OTX2: variants seen among roughly 807,000 people sequenced by gnomAD.
OTX2 encodes the protein homeobox protein OTX2.
OTX2 carries 4 observed loss-of-function variants against 29.0 expected under a neutral mutation model. The observed-to-expected ratio is 0.14, with a 90% CI of 0.07 to 0.32. The LOEUF is 0.32. Among genes scored for constraint, OTX2 ranks in the 10% least tolerant of loss-of-function variants. The probability of loss-of-function intolerance (pLI) is 1.00; values close to 1 mark genes in which losing one functional copy is unlikely to be tolerated. For synonymous variants in OTX2, 134 were observed against 141.0 expected, an observed-to-expected ratio of 0.95 and a Z score of 0.35; for missense variants, 298 against 365.9, an observed-to-expected ratio of 0.81 and a Z score of 1.51.
rs1891998048 is a variant in OTX2 at position 56,804,289 on chromosome 14, G to C, written c.172C>G (p.Leu58Val). The change falls in exon 4 of 5, where the codon CTA (leucine) becomes GTA (valine). Residue 58 changes from leucine (L) to valine (V), a missense_variant. Physicochemically the swap from Leu to Val is conservative, Grantham distance 32. This residue lies in a region of OTX2 where 29 missense variants were observed against 84.7 expected (regional missense o/e 0.34). Transcript: ENST00000672264. This position sits in a 1 kb window ranked among gnomAD's most constrained non-coding sequence, Gnocchi z 4.1. ...GCAAACAGTGCTTCCAGCACATCTA[G>C]CTGCGCCCGAGTGAACGTCGTCCTC... ...RERTTFTRAQ[L>V]DVLEALFAKT... The C allele has an allele frequency of 6.2e-7, 1 of 1,614,056 alleles. No individual in the cohort carries two copies.
chr14:56,801,605 C>G lies in OTX2; in HGVS notation c.*130G>C. 9.2e-7 allele frequency: 1 copy of G among 1,090,284 alleles called. No homozygotes were observed. The highest frequency in any genetic ancestry group is 1.3e-5 in the South Asian group (1 of 76,930). The allele number at this position is 1,090,284 out of a possible 1,614,324, so 67.5% of individuals were successfully genotyped here. A position where few individuals can be genotyped will look rare whatever the true frequency, so the allele number is the denominator to read the frequency against. On this transcript the variant is annotated 3_prime_UTR_variant, in exon 5 of 5. Coordinates refer to ENST00000672264, the MANE Select transcript of OTX2 (RefSeq NM_021728.4). This position sits in a 1 kb window ranked among gnomAD's most constrained non-coding sequence, Gnocchi z 4.2. The stretch of plus-strand genomic sequence containing the variant: ...AGGCCCTTCGTTTTTCCTTCTATGC[C>G]TCTCGGAACTTTGATCAGATGAGTC...
rs754146678 is a variant in OTX2, at chr14:56,805,477, C to G, written c.-21G>C. On this transcript the variant is annotated 5_prime_UTR_variant, in exon 3 of 5. Transcript: ENST00000672264. Reference sequence around the variant, plus strand: ...ATCATGCTAAGGTTGTTTGGAGGTGCAAAGTCGGCCCAAATCGGGGGTACC... The same window carrying G: ...ATCATGCTAAGGTTGTTTGGAGGTGGAAAGTCGGCCCAAATCGGGGGTACC... The G allele has an allele frequency of 1.9e-6, 3 of 1,557,162 alleles. No homozygotes were observed. The South Asian group carries it at 3.3e-5, about 17-fold the overall frequency.
chr14:56,809,202 T>G (rs1892192662), intron 2 of OTX2, among the ~76,000 whole-genome samples: 1 of 152,070 alleles, frequency 6.6e-6, no homozygotes, highest in Admixed American at 6.5e-5. Context: ...GCCGCGGCCT[T>G]GGGCGGAGCA....
In OTX2 at chr14:56,804,507, C is replaced by T; in HGVS notation, c.98-144G>A. On this transcript the variant is annotated intron_variant, in intron 3 of 4. Transcript: ENST00000672264. The surrounding 1 kb of genome is among the most constrained non-coding windows in gnomAD (Gnocchi z 4.1). ...AATGCTCTCCCCACCGTCTCCCCAG[C>T]CTTGCTCCCCGGGGACCCAGGACAC... 1 of 758,974 alleles carries T rather than the reference C, an allele frequency of 1.3e-6. No individual in the cohort carries two copies. The highest frequency in any genetic ancestry group is 2.1e-6 in the Non-Finnish European group (1 of 480,662). 47.0% of individuals were successfully genotyped at this position (758,974 alleles called of 1,614,324 possible). A position where few individuals can be genotyped will look rare whatever the true frequency, so the allele number is the denominator to read the frequency against.
chr14:56,802,416 C>T lies in OTX2; in HGVS notation c.274-61G>A, dbSNP rs761128122. ...GATAGTTCCTTAAGGACAAGAATGG[C>T]TCCCGTATTATAAATCTATCCTACA... On this transcript the variant is annotated intron_variant, in intron 4 of 4. Coordinates refer to ENST00000672264, the MANE Select transcript of OTX2 (RefSeq NM_021728.4). This position sits in a 1 kb window ranked among gnomAD's most constrained non-coding sequence, Gnocchi z 4.4. 517 of 1,568,482 alleles carry T rather than the reference C, an allele frequency of 3.3e-4. No homozygotes were observed. Among genetic ancestry groups the T allele is most frequent in the Non-Finnish European group, 4.1e-4 (469 of 1,142,502 alleles).
At chr14:56,808,698 A>G (rs1183660746) in intron 2 of OTX2, among the ~76,000 whole-genome samples, 7 of 152,120 alleles carry the variant, frequency 4.6e-5, no homozygotes, top group Non-Finnish European at 1.0e-4. Context: ...CTGACCCCGA[A>G]GCTCTAGGAT....
chr14:56,802,453 G>T lies in OTX2; in HGVS notation c.274-98C>A. On this transcript the variant is annotated intron_variant, in intron 4 of 4. Transcript: ENST00000672264. This position sits in a 1 kb window ranked among gnomAD's most constrained non-coding sequence, Gnocchi z 4.4. ...AAATCTATCCTACATGGGCAGATCA[G>T]CTAAACACACAATTTCCCCTGCCAC... 7.6e-7 allele frequency: 1 copy of T among 1,323,682 alleles called. No individual in the cohort carries two copies. The highest frequency in any genetic ancestry group is 1.1e-6 in the Non-Finnish European group (1 of 925,840). 82.0% of individuals were successfully genotyped at this position (1,323,682 alleles called of 1,614,324 possible). A position where few individuals can be genotyped will look rare whatever the true frequency, so the allele number is the denominator to read the frequency against.
chr14:56,801,936 A>G lies in OTX2; in HGVS notation c.693T>C (p.Gly231=), dbSNP rs764571884. ...PGPGATLSPM[G]TNAVTSHLNQ... Reference sequence around the variant, plus strand: ...TGAGATGGCTGGTGACTGCATTGGTACCCATGGGACTGAGTGTGGCCCCTG... The same window carrying G: ...TGAGATGGCTGGTGACTGCATTGGTGCCCATGGGACTGAGTGTGGCCCCTG... Residue 231 remains glycine (G), a synonymous_variant, in exon 5 of 5, where the codon GGT becomes GGC. Transcript: ENST00000672264. The surrounding 1 kb of genome is among the most constrained non-coding windows in gnomAD (Gnocchi z 4.2). 2.5e-6 allele frequency: 4 copies of G among 1,614,172 alleles called. No individual in the cohort carries two copies. The highest frequency in any genetic ancestry group is 3.4e-6 in the Non-Finnish European group (4 of 1,180,038).
At chr14:56,809,899 A>G (rs956481285) in intron 2 of OTX2, among the ~76,000 whole-genome samples, 2 of 152,200 alleles carry the variant, frequency 1.3e-5, no homozygotes, top group African/African-American at 4.8e-5. Flanking sequence ...CAGCGTTTCG[A>G]CGACGTTTTG....
chr14:56,803,107 C>T (rs698015), intron 4 of OTX2, among the ~76,000 whole-genome samples: 85,709 of 152,084 alleles, frequency 0.56, 25,262 homozygotes, highest in East Asian at 0.78. Flanking sequence ...TACTGACTTA[C>T]CACTTCAACC....
intron 4 of OTX2, among the ~76,000 whole-genome samples, chr14:56,803,753 T>A (rs144153084): frequency 6.6e-6 from 1 of 152,332 alleles, no homozygotes; most frequent in African/African-American, 2.4e-5. Context: ...ACCAGCTGCG[T>A]CTATACCCTG....
rs758946986 is a variant in OTX2, at chr14:56,804,336, G to T, written c.125C>A (p.Thr42Asn). The change falls in exon 4 of 5, where the codon ACC (threonine) becomes AAC (asparagine). Residue 42 changes from threonine (T) to asparagine (N), a missense_variant. By Grantham distance (65) the Thr-to-Asn change is moderately conservative. This residue lies in a region of OTX2 where 50 missense variants were observed against 57.6 expected (regional missense o/e 0.87). Transcript: ENST00000672264. This position sits in a 1 kb window ranked among gnomAD's most constrained non-coding sequence, Gnocchi z 4.1. ...CCTCTCCCGGCGCTGTTTCCGGGGG[G>T]TGGCTGCGGGACAAGAAGCCCAGGG... is the stretch of plus-strand genomic sequence containing the variant. ...PGPWASCPAATPRKQRRERTT... is the reference protein window; with the variant it reads ...PGPWASCPAANPRKQRRERTT... 11 of 1,613,818 alleles carry T rather than the reference G, an allele frequency of 6.8e-6. No homozygotes were observed. Among genetic ancestry groups the T allele is most frequent in the South Asian group, 1.1e-5 (1 of 91,092 alleles).
At position 56,802,189 on chromosome 14, in the gene OTX2, A is replaced by G. The variant is rs2139528876; in HGVS notation, c.440T>C (p.Val147Ala). The change falls in exon 5 of 5, where the codon GTC (valine) becomes GCC (alanine). Residue 147 changes from valine (V) to alanine (A), a missense_variant. Coordinates refer to ENST00000672264, the MANE Select transcript of OTX2 (RefSeq NM_021728.4). The surrounding 1 kb of genome is among the most constrained non-coding windows in gnomAD (Gnocchi z 4.4). ...GQFTPPSSTS[V>A]PTIASSSAPV... ...AGCACTGCTGCTGGCAATGGTCGGGACTGAGGTGCTAGAGGGGGGAGTGAA... is the reference window on the plus strand; with the variant it reads ...AGCACTGCTGCTGGCAATGGTCGGGGCTGAGGTGCTAGAGGGGGGAGTGAA... 1 of 1,614,122 alleles carries G rather than the reference A, an allele frequency of 6.2e-7. No homozygotes were observed. The highest frequency in any genetic ancestry group is 8.5e-7 in the Non-Finnish European group (1 of 1,180,006).
chr14:56,805,523 G>T lies in OTX2; in HGVS notation c.-67C>A. ...GTACCCAGCTGGAAGATCTTGATGC[G>T]CCCGGGGTGGACAGGTTCAGAGTCC... On this transcript the variant is annotated 5_prime_UTR_variant, in exon 3 of 5. Transcript: ENST00000672264. 2 of 981,852 alleles carry T rather than the reference G, an allele frequency of 2.0e-6. No individual in the cohort carries two copies. Among genetic ancestry groups the T allele is most frequent in the South Asian group, 1.3e-5 (1 of 75,148 alleles). 60.8% of individuals were successfully genotyped at this position (981,852 alleles called of 1,614,324 possible).
chr14:56,808,678 A>C (rs1486375869), intron 2 of OTX2, among the ~76,000 whole-genome samples: 1 of 152,186 alleles, frequency 6.6e-6, no homozygotes, highest in East Asian at 1.9e-4. Flanking sequence ...CGAGCTGAGC[A>C]GGAGAAATCC....
Position 56,801,898 on chromosome 14 carries a change from G to A in OTX2, c.731C>T (p.Ala244Val), listed in dbSNP as rs747665958. 3 of 1,614,122 alleles carry A rather than the reference G, an allele frequency of 1.9e-6. No homozygotes were observed. The highest frequency in any genetic ancestry group is 1.1e-5 in the South Asian group (1 of 91,094). ...TCCATATCCCTGGGTGGAAAGAGAA[G>A]CTGGGGACTGATTGAGATGGCTGGT... Reference protein sequence around the residue: ...AVTSHLNQSPASLSTQGYGAS... With the variant: ...AVTSHLNQSPVSLSTQGYGAS... Residue 244 changes from alanine (A) to valine (V), a missense_variant, in exon 5 of 5, where the codon GCT becomes GTT. Ala to Val is a moderately conservative substitution (Grantham distance 64). Transcript: ENST00000672264. The surrounding 1 kb of genome is among the most constrained non-coding windows in gnomAD (Gnocchi z 4.2).
intron 2 of OTX2, among the ~76,000 whole-genome samples, chr14:56,806,927 A>G (rs1328873143): frequency 6.6e-6 from 1 of 152,138 alleles, no homozygotes; most frequent in Non-Finnish European, 1.5e-5. Context: ...CTTTGACACC[A>G]TGAGAGATTG....
In OTX2 at chr14:56,804,656, A is replaced by C. The variant is rs1460513601; in HGVS notation, c.98-293T>G. Among the ~76,000 whole-genome samples the C allele has an allele frequency of 6.6e-6, 1 of 152,210 alleles. No individual in the cohort carries two copies. Among genetic ancestry groups the C allele is most frequent in the Non-Finnish European group, 1.5e-5 (1 of 68,028 alleles). On this transcript the variant is annotated intron_variant, in intron 3 of 4. Coordinates refer to ENST00000672264, the MANE Select transcript of OTX2 (RefSeq NM_021728.4). This position sits in a 1 kb window ranked among gnomAD's most constrained non-coding sequence, Gnocchi z 4.1. ...AAAAAGTTCTCCAAGATCAACCCCC[A>C]AACCACAACACAAAAAGGCTATTCC... is the stretch of plus-strand genomic sequence containing the variant.
Position 56,800,719 on chromosome 14 carries a change from C to A in OTX2, c.*1016G>T, listed in dbSNP as rs1228720148. On this transcript the variant is annotated 3_prime_UTR_variant, in exon 5 of 5. Coordinates refer to ENST00000672264, the MANE Select transcript of OTX2 (RefSeq NM_021728.4). ...ACTGGACCCAATGTTGTGCTAGAACCATTTTAATATAATTATACATATCTG... is the reference window on the plus strand; with the variant it reads ...ACTGGACCCAATGTTGTGCTAGAACAATTTTAATATAATTATACATATCTG... The A allele has an allele frequency of 1.3e-5, 2 of 152,482 alleles. No homozygotes were observed. Among genetic ancestry groups the A allele is most frequent in the African/African-American group, 2.4e-5 (1 of 41,406 alleles). The allele number at this position is 152,482 out of a possible 1,614,324, so 9.4% of individuals were successfully genotyped here. A position where few individuals can be genotyped will look rare whatever the true frequency, so the allele number is the denominator to read the frequency against.
Sources: gnomAD v4.1 joint callset for allele counts (sites outside exome capture counted in the v4.1 genomes callset) on GRCh38, gnomAD v4.1.1 for gene constraint, gnomAD v4.1.1 regional missense constraint, Gnocchi (gnomAD v3.1) non-coding constraint, MANE v1.5 for transcripts, NCBI Gene and HGNC (gene_info 2026-07-23, HGNC 2026-07-21) for gene names.